Variants in RSBN1 observed in about 807,000 individuals in gnomAD.
RSBN1 encodes the protein round spermatid basic protein 1.
RSBN1 carries 23 observed loss-of-function variants against 74.8 expected under a neutral mutation model. The ratio of observed to expected loss-of-function variants is 0.31; its 90% CI spans 0.22 to 0.44. RSBN1 has a LOEUF of 0.44. Ranked by LOEUF, RSBN1 falls within the 20% of genes least tolerant of loss-of-function variation. RSBN1 has a pLI of 1.00. For missense variants in RSBN1, 808 were observed against 1,020.9 expected, an observed-to-expected ratio of 0.79 and a Z score of 2.84; for synonymous variants, 407 against 379.6, an observed-to-expected ratio of 1.07 and a Z score of -0.84.
intron 4 of RSBN1, among the ~76,000 whole-genome samples, chr1:113,776,378 G>A (rs1660026892): frequency 6.6e-6 from 1 of 152,198 alleles, no homozygotes. Context: ...TGACGTCCAA[G>A]TTAAGTTTTG....
chr1:113,804,018 T>C (rs946897730), intron 1 of RSBN1, among the ~76,000 whole-genome samples: 1 of 151,804 alleles, frequency 6.6e-6, no homozygotes, highest in Non-Finnish European at 1.5e-5. Flanking sequence ...GAGCTAGGCT[T>C]AGCTACAGGC....
chr1:113,811,891 C>T lies in RSBN1; in HGVS notation c.522G>A (p.Ser174=). 1 of 1,612,198 alleles carries T rather than the reference C, an allele frequency of 6.2e-7. No individual in the cohort carries two copies. Among genetic ancestry groups the T allele is most frequent in the Non-Finnish European group, 8.5e-7 (1 of 1,179,420 alleles). The change falls in exon 1 of 7, where the codon TCG becomes TCA. Residue 174 remains serine (S), a synonymous_variant. Coordinates refer to ENST00000261441, the MANE Select transcript of RSBN1 (RefSeq NM_018364.5). ...APSTSALFTF[S]PLTVSAAGPK... ...GCCCGGCCGCGCTCACCGTCAGAGG[C>T]GAGAAGGTGAAGAGGGCCGAGGTGC...
At chr1:113,790,402 G>A (rs1230015910) in intron 2 of RSBN1, among the ~76,000 whole-genome samples, 1 of 152,104 alleles carries the variant, frequency 6.6e-6, no homozygotes, top group Non-Finnish European at 1.5e-5. Context: ...GCTAAGGGAT[G>A]GTATTCATAA....
chr1:113,786,779 T>C (rs1037388633), intron 2 of RSBN1, among the ~76,000 whole-genome samples: 3 of 152,184 alleles, frequency 2.0e-5, no homozygotes, highest in African/African-American at 4.8e-5. Context: ...AAGACCAGCC[T>C]GGGCAACATG....
Position 113,766,207 on chromosome 1 carries a change from G to C in RSBN1, c.2182C>G (p.Arg728Gly). Residue 728 changes from arginine (R) to glycine (G), a missense_variant, in exon 7 of 7, where the codon CGA becomes GGA. By Grantham distance (125) the Arg-to-Gly change is moderately radical. Around this residue, in one of 6 missense-constraint regions of RSBN1, gnomAD observed 91 missense variants for 99.6 expected, o/e 0.91. Transcript: ENST00000261441. ...CATTGGGAGTCAACTTCTAATTCTC[G>C]CTTTCCAGTTAAACCACAGTCCATG... is the stretch of plus-strand genomic sequence containing the variant. ...SNMDCGLTGK[R>G]ELEVDSQCVR... The C allele has an allele frequency of 6.2e-7, 1 of 1,614,036 alleles. No homozygotes were observed. The highest frequency in any genetic ancestry group is 8.5e-7 in the Non-Finnish European group (1 of 1,179,960).
chr1:113,807,295 C>G (rs981543784), intron 1 of RSBN1, among the ~76,000 whole-genome samples: 16 of 124,318 alleles, frequency 1.3e-4, no homozygotes, highest in African/African-American at 4.9e-4. Context: ...GCCTGGGTGA[C>G]AAAGTGAGAA....
rs1239328328 is a variant in RSBN1, at chr1:113,768,358, G to C, written c.1690C>G (p.Leu564Val). ...SMNEIKNLQY[L>V]PRTSEPREVL... ...TCGCGGGGTTCACTGGTCCGAGGTA[G>C]GTACTGGAGATTTTTTATTTCATTC... Residue 564 changes from leucine to valine, a missense_variant, in exon 5 of 7, where the codon CTA becomes GTA. Leu to Val is a conservative substitution (Grantham distance 32, BLOSUM62 1). Coordinates refer to ENST00000261441, the MANE Select transcript of RSBN1 (RefSeq NM_018364.5). 1 of 1,605,884 alleles carries C rather than the reference G, an allele frequency of 6.2e-7. No homozygotes were observed. The highest frequency in any genetic ancestry group is 1.3e-5 in the African/African-American group (1 of 74,714).
chr1:113,769,992 C>A (rs1315341825), intron 4 of RSBN1, among the ~76,000 whole-genome samples: 1 of 152,144 alleles, frequency 6.6e-6, no homozygotes, highest in Non-Finnish European at 1.5e-5. Context: ...CTGACAGAAC[C>A]CTAATTTTTA....
At position 113,766,026 on chromosome 1, in the gene RSBN1, G is replaced by C; in HGVS notation, c.2363C>G (p.Ser788Cys). Residue 788 changes from serine (S) to cysteine (C), a missense_variant, in exon 7 of 7, where the codon TCT becomes TGT. Physicochemically the swap from Ser to Cys is moderately radical, Grantham distance 112. Transcript: ENST00000261441. ...TTCTTGCAGATTGTGTTGCTGGTCA[G>C]AGTCCAGTCTACTTTCCACTTTTAA... ...PVLKVESRLD[S>C]DQQHNLQEHS... is the part of the protein sequence containing the mutation. The C allele has an allele frequency of 6.2e-7, 1 of 1,613,940 alleles. No individual in the cohort carries two copies. The highest frequency in any genetic ancestry group is 8.5e-7 in the Non-Finnish European group (1 of 1,179,844).
Position 113,798,013 on chromosome 1 carries a change from T to G in RSBN1, c.727A>C (p.Thr243Pro), listed in dbSNP as rs1660508573. The change falls in exon 2 of 7, where the codon ACC (threonine) becomes CCC (proline). Residue 243 changes from threonine (T) to proline (P), a missense_variant. Physicochemically the swap from Thr to Pro is conservative, Grantham distance 38. Transcript: ENST00000261441. ...KRETPDENGK[T>P]QRADDFVLKK... ...AAGACAAAATCATCGGCTCTCTGGG[T>G]TTTACCATTTTCATCTGGTGTTTCT... 1 of 1,605,396 alleles carries G rather than the reference T, an allele frequency of 6.2e-7. No individual in the cohort carries two copies. The highest frequency in any genetic ancestry group is 2.2e-5 in the East Asian group (1 of 44,846).
chr1:113,764,341 G>GT lies in RSBN1; in HGVS notation c.*1638dup, dbSNP rs1419820756. 6.6e-6 allele frequency: 1 copy of GT among 152,586 alleles called. No homozygotes were observed. Among genetic ancestry groups the GT allele is most frequent in the Non-Finnish European group, 1.5e-5 (1 of 68,004 alleles). The allele number at this position is 152,586 out of a possible 1,614,324, so 9.5% of individuals were successfully genotyped here. On this transcript the variant is annotated 3_prime_UTR_variant, in exon 7 of 7. Coordinates refer to ENST00000261441, the MANE Select transcript of RSBN1 (RefSeq NM_018364.5). ...GTATCCCTATTTGTCTTCATCCTTT[G>GT]TAACAGAGAATACATACATATACAT...
intron 1 of RSBN1, 75 bp downstream of exon 1, chr1:113,811,633 CTT>C (rs1660850342): frequency 5.3e-6 from 8 of 1,499,082 alleles, no homozygotes; most frequent in Non-Finnish European, 6.2e-6. Flanking sequence ...GGTTTGGCGT[CTT>C]TCAGTCCTAA....
chr1:113,805,272 G>A lies in RSBN1; in HGVS notation c.703+6438C>T, dbSNP rs558564232. Among the ~76,000 whole-genome samples the A allele has an allele frequency of 2.6e-5, 4 of 151,990 alleles. No individual in the cohort carries two copies. In the Middle Eastern group the frequency reaches 0.01, roughly 388 times the overall value. Reference sequence around the variant, plus strand: ...GCCCAGCTAATTTTTTGTATTTTTCGTAGAGACAGGGTTTCACCATGTTGA... The same window carrying A: ...GCCCAGCTAATTTTTTGTATTTTTCATAGAGACAGGGTTTCACCATGTTGA... On this transcript the variant is annotated intron_variant, in intron 1 of 6. Transcript: ENST00000261441.
intron 4 of RSBN1, 134 bp from the exon 5 acceptor site, chr1:113,768,523 C>G (rs1659828932): frequency 3.5e-6 from 2 of 571,216 alleles, no homozygotes; most frequent in Non-Finnish European, 6.1e-6. Flanking sequence ...GAGAAGGGTT[C>G]AATGATTATG....
chr1:113,804,292 C>T (rs757080755), intron 1 of RSBN1, among the ~76,000 whole-genome samples: 6 of 152,202 alleles, frequency 3.9e-5, no homozygotes, highest in South Asian at 2.1e-4. Flanking sequence ...GGAAAGAAAA[C>T]GTATTTGCCA....
At chr1:113,790,547 C>G (rs1660344077) in intron 2 of RSBN1, among the ~76,000 whole-genome samples, 1 of 152,154 alleles carries the variant, frequency 6.6e-6, no homozygotes, top group African/African-American at 2.4e-5. Context: ...AACAGGTAAA[C>G]AAGCTAAACA....
intron 2 of RSBN1, 137 bp downstream of exon 2, chr1:113,797,226 A>AG (rs1660489835): frequency 1.4e-6 from 1 of 709,390 alleles, no homozygotes; most frequent in African/African-American, 1.8e-5. Context: ...AATTAGAGGA[A>AG]GAGACAAACA....
At position 113,765,791 on chromosome 1, in the gene RSBN1, A is replaced by G. The variant is rs547328437; in HGVS notation, c.*189T>C. 2.0e-5 allele frequency: 12 copies of G among 589,708 alleles called. No homozygotes were observed. The highest frequency in any genetic ancestry group is 8.9e-5 in the Admixed American group (3 of 33,600). 36.5% of individuals were successfully genotyped at this position (589,708 alleles called of 1,614,324 possible). A position where few individuals can be genotyped will look rare whatever the true frequency, so the allele number is the denominator to read the frequency against. On this transcript the variant is annotated 3_prime_UTR_variant, in exon 7 of 7. Transcript: ENST00000261441. ...CACTATTACATACTGTACTAACGGG[A>G]TAAGATACAACTCTTAACTTTGCAT...
At chr1:113,791,663 A>G (rs1412756899) in intron 2 of RSBN1, among the ~76,000 whole-genome samples, 2 of 152,206 alleles carry the variant, frequency 1.3e-5, no homozygotes, top group Non-Finnish European at 2.9e-5. Flanking sequence ...TTTAAAATAT[A>G]TAGTGAAAAA....
Sources: allele counts gnomAD v4.1 joint callset (sites outside exome capture counted in the v4.1 genomes callset), GRCh38; gene constraint gnomAD v4.1.1; regional missense constraint gnomAD v4.1.1; transcripts MANE v1.5; gene names NCBI Gene and HGNC (gene_info 2026-07-23, HGNC 2026-07-21).